The following EPS8 variants were observed in gnomAD, a reference collection of about 807,000 sequenced individuals.
EPS8 encodes the protein epidermal growth factor receptor kinase substrate 8.
EPS8 carries 42 observed loss-of-function variants against 103.8 expected under a neutral mutation model. The observed-to-expected ratio is 0.40, with a 90% CI of 0.32 to 0.52. The LOEUF is 0.52. EPS8 is among the 20% of genes least tolerant of loss of function. The pLI is 0.40. For synonymous variants in EPS8, 344 were observed against 344.6 expected, an observed-to-expected ratio of 1.00 and a Z score of 0.02; for missense variants, 969 against 1,005.1, an observed-to-expected ratio of 0.96 and a Z score of 0.49.
intron 13 of EPS8, among the ~76,000 whole-genome samples, chr12:15,651,833 A>G (rs1166362988): frequency 6.6e-6 from 1 of 152,204 alleles, no homozygotes; most frequent in Admixed American, 6.5e-5. Flanking sequence ...TTTTTAAATC[A>G]GTCAGTACAT....
chr12:15,746,303 T>C lies in EPS8; in HGVS notation c.-22+42858A>G, dbSNP rs546808386. 1.3e-5 allele frequency among the ~76,000 whole-genome samples: 2 copies of C among 152,240 alleles called. 1 individual carries two copies. Among genetic ancestry groups the C allele is most frequent in the African/African-American group, 4.8e-5 (2 of 41,564 alleles). Reference sequence around the variant, plus strand: ...CAAGAATATCAGCCCCATATTGCTATCTGCCTAATCAAACATTTCTGCTTG... The same window carrying C: ...CAAGAATATCAGCCCCATATTGCTACCTGCCTAATCAAACATTTCTGCTTG... On this transcript the variant is annotated intron_variant, in intron 1 of 20. Coordinates refer to ENST00000281172, the MANE Select transcript of EPS8 (RefSeq NM_004447.6).
At chr12:15,740,743 T>C (rs1012544273) in intron 1 of EPS8, among the ~76,000 whole-genome samples, 3 of 152,110 alleles carry the variant, frequency 2.0e-5, no homozygotes, top group Non-Finnish European at 4.4e-5. Context: ...AATTAATACA[T>C]GACTTCAGGA....
chr12:15,691,856 A>C (rs1460774812), intron 1 of EPS8, among the ~76,000 whole-genome samples: 3 of 152,020 alleles, frequency 2.0e-5, no homozygotes, highest in Non-Finnish European at 4.4e-5. Flanking sequence ...CTTTCCCCCC[A>C]ACTCTTAGTG....
chr12:15,730,587 T>G (rs778157804), intron 1 of EPS8, among the ~76,000 whole-genome samples: 3 of 152,242 alleles, frequency 2.0e-5, no homozygotes, highest in Non-Finnish European at 4.4e-5. Flanking sequence ...TAGATAATTC[T>G]AGTTTGTAAA....
chr12:15,663,375 G>A (rs530062612), intron 8 of EPS8, among the ~76,000 whole-genome samples: 1 of 152,162 alleles, frequency 6.6e-6, no homozygotes, highest in East Asian at 1.9e-4. Flanking sequence ...ATTCAACGGA[G>A]AAGCAGTTCA....
chr12:15,623,746 T>TAA (rs1944898785), intron 19 of EPS8, among the ~76,000 whole-genome samples: 1 of 152,216 alleles, frequency 6.6e-6, no homozygotes, highest in African/African-American at 2.4e-5. Context: ...GATAGATAAA[T>TAA]AGAACCTTTA....
At chr12:15,682,604 T>C (rs551835225) in intron 2 of EPS8, among the ~76,000 whole-genome samples, 7 of 152,294 alleles carry the variant, frequency 4.6e-5, no homozygotes, top group African/African-American at 1.7e-4. Context: ...GTAGATTATA[T>C]ATTCAACCAT....
intron 2 of EPS8, among the ~76,000 whole-genome samples, chr12:15,682,102 A>G (rs1946018712): frequency 6.6e-6 from 1 of 152,218 alleles, no homozygotes; most frequent in South Asian, 2.1e-4. Context: ...ATGAATGGAA[A>G]GAAGCTCTAT....
At chr12:15,674,501 T>C (rs1945869643) in intron 3 of EPS8, among the ~76,000 whole-genome samples, 1 of 152,188 alleles carries the variant, frequency 6.6e-6, no homozygotes, top group Non-Finnish European at 1.5e-5. Context: ...CACTGAGTGA[T>C]AATTACAAGC....
rs145057527 is a variant in EPS8 at position 15,754,397 on chromosome 12, C to T, written c.-22+34764G>A. ...AATGGAAATCTTGAATCTCTTCACA[C>T]GACACCATTTTAAATTTGAAATACA... On this transcript the variant is annotated intron_variant, in intron 1 of 20. Coordinates refer to ENST00000281172, the MANE Select transcript of EPS8 (RefSeq NM_004447.6). 3.2e-3 allele frequency among the ~76,000 whole-genome samples: 488 copies of T among 152,186 alleles called. 2 individuals are homozygous for T. Among genetic ancestry groups the T allele is most frequent in the Non-Finnish European group, 5.6e-3 (382 of 68,014 alleles).
intron 1 of EPS8, among the ~76,000 whole-genome samples, chr12:15,723,070 T>C (rs540509062): frequency 1.3e-5 from 2 of 150,678 alleles, no homozygotes; most frequent in African/African-American, 2.4e-5. Context: ...ATGTCTATAA[T>C]CCCAGAACTG....
At chr12:15,640,335 G>T (rs1001260452) in intron 17 of EPS8, among the ~76,000 whole-genome samples, 3 of 152,190 alleles carry the variant, frequency 2.0e-5, no homozygotes, top group Non-Finnish European at 2.9e-5. Context: ...TGGACACCAT[G>T]CCGTGATATC....
chr12:15,746,275 C>T (rs2136012947), intron 1 of EPS8, among the ~76,000 whole-genome samples: 3 of 152,228 alleles, frequency 2.0e-5, no homozygotes. Context: ...TATAATTTAA[C>T]ACCAAGAATA....
rs1565503044 is a variant in EPS8 at position 15,692,330 on chromosome 12, T to TGG, written c.-21-9359_-21-9358insCC. On this transcript the variant is annotated intron_variant, in intron 1 of 20. Transcript: ENST00000281172. ...TTGAAAGAGGTTTGGTTTTTTTTTT[T>TGG]TTTTTTTTTTTTTGCCCCATAATTT... 2.2e-4 allele frequency among the ~76,000 whole-genome samples: 33 copies of TGG among 149,528 alleles called. No individual in the cohort carries two copies. The South Asian group carries it at 3.6e-3, about 16-fold the overall frequency.
intron 1 of EPS8, among the ~76,000 whole-genome samples, chr12:15,730,058 C>T (rs1360785635): frequency 6.6e-6 from 1 of 152,128 alleles, no homozygotes; most frequent in Admixed American, 6.5e-5. Context: ...ACCTGTGTAG[C>T]TTCTGAAGTC....
chr12:15,704,524 G>C lies in EPS8; in HGVS notation c.-21-21552C>G, dbSNP rs1397939983. The stretch of plus-strand genomic sequence containing the variant: ...CTCCTTAAATGAAGAACTTGGAATA[G>C]TCAAATTCAAAGACACAGAAAGCAT... On this transcript the variant is annotated intron_variant, in intron 1 of 20. Coordinates refer to ENST00000281172, the MANE Select transcript of EPS8 (RefSeq NM_004447.6). The surrounding 1 kb of genome is among the most constrained non-coding windows in gnomAD (Gnocchi z 4.6). Among the ~76,000 whole-genome samples the C allele has an allele frequency of 6.6e-6, 1 of 152,152 alleles. No individual in the cohort carries two copies. The highest frequency in any genetic ancestry group is 1.5e-5 in the Non-Finnish European group (1 of 68,014).
chr12:15,730,675 T>A (rs1946705218), intron 1 of EPS8, among the ~76,000 whole-genome samples: 1 of 152,210 alleles, frequency 6.6e-6, no homozygotes, highest in Middle Eastern at 3.2e-3. Flanking sequence ...CTGTATTTGC[T>A]TCCTGTTTTC....
chr12:15,671,517 T>C (rs1945817703), intron 3 of EPS8, among the ~76,000 whole-genome samples: 1 of 152,082 alleles, frequency 6.6e-6, no homozygotes, highest in South Asian at 2.1e-4. Flanking sequence ...GAATTATAAA[T>C]ATAAGCTGAT....
rs1043829642 is a variant in EPS8, at chr12:15,736,124, C to A, written c.-22+53037G>T. On this transcript the variant is annotated intron_variant, in intron 1 of 20. Transcript: ENST00000281172. The surrounding 1 kb of genome is among the most constrained non-coding windows in gnomAD (Gnocchi z 4.2). Reference sequence around the variant, plus strand: ...CTAGTCTCAAACTCCTGAGCTCAAGCAATCCTCCTGCCTCAGCCTGCTAAA... The same window carrying A: ...CTAGTCTCAAACTCCTGAGCTCAAGAAATCCTCCTGCCTCAGCCTGCTAAA... Among the ~76,000 whole-genome samples the A allele has an allele frequency of 6.6e-6, 1 of 152,142 alleles. No individual in the cohort carries two copies. Among genetic ancestry groups the A allele is most frequent in the East Asian group, 1.9e-4 (1 of 5,202 alleles).
Sources: gnomAD v4.1 joint callset for allele counts (sites outside exome capture counted in the v4.1 genomes callset) on GRCh38, gnomAD v4.1.1 for gene constraint, Gnocchi (gnomAD v3.1) non-coding constraint, MANE v1.5 for transcripts, NCBI Gene and HGNC (gene_info 2026-07-23, HGNC 2026-07-21) for gene names.